The following HSD17B3 variants were observed in gnomAD, a reference collection of about 807,000 sequenced individuals.
HSD17B3 encodes the protein 17-beta-hydroxysteroid dehydrogenase type 3.
Under a neutral mutation model 41.1 loss-of-function variants are expected in HSD17B3, and 29 were observed. That is an observed-to-expected ratio of 0.71 (90% CI 0.53 to 0.96). The LOEUF is 0.96. HSD17B3 is among the 40% of genes least tolerant of loss of function. The pLI, the probability that HSD17B3 is intolerant of heterozygous loss-of-function variation, is 0.00. For synonymous variants in HSD17B3, 126 were observed against 145.6 expected, an observed-to-expected ratio of 0.87 and a Z score of 0.97; for missense variants, 323 against 374.6, an observed-to-expected ratio of 0.86 and a Z score of 1.14.
At chr9:96,272,662 A>G (rs1388227354) in intron 2 of HSD17B3, among the ~76,000 whole-genome samples, 1 of 151,292 alleles carries the variant, frequency 6.6e-6, no homozygotes, top group East Asian at 1.9e-4. Flanking sequence ...GCAGTTTCCT[A>G]AGAAACTAAA....
chr9:96,287,047 C>T (rs532270686), intron 2 of HSD17B3, among the ~76,000 whole-genome samples: 1 of 152,158 alleles, frequency 6.6e-6, no homozygotes, highest in Admixed American at 6.5e-5. Flanking sequence ...GATCAGGACC[C>T]CTTTCCTGTA....
intron 2 of HSD17B3, among the ~76,000 whole-genome samples, chr9:96,285,307 G>A (rs540686154): frequency 3.2e-4 from 48 of 152,262 alleles, no homozygotes; most frequent in African/African-American, 1.1e-3. Flanking sequence ...TATGGTACAC[G>A]TGTATCAAAT....
rs1392320642 is a variant in HSD17B3 at position 96,291,785 on chromosome 9, C to T, written c.201+6631G>A. Among the ~76,000 whole-genome samples the T allele has an allele frequency of 7.9e-5, 12 of 152,096 alleles. No homozygotes were observed. The South Asian group carries it at 1.0e-3, about 13-fold the overall frequency. On this transcript the variant is annotated intron_variant, in intron 2 of 10. Transcript: ENST00000375263. ...CAGCCTGGCCAACGAGGTGAAACCC[C>T]GTCTCTATTAAAAATACAAAAATTA...
intron 2 of HSD17B3, among the ~76,000 whole-genome samples, chr9:96,262,616 A>G (rs541207765): frequency 6.6e-5 from 10 of 152,306 alleles, no homozygotes; most frequent in South Asian, 2.1e-4. Flanking sequence ...GAATATGCCC[A>G]GTATTAATAA....
At chr9:96,282,642 G>A (rs1826742147) in intron 2 of HSD17B3, among the ~76,000 whole-genome samples, 1 of 152,178 alleles carries the variant, frequency 6.6e-6, no homozygotes, top group Admixed American at 6.5e-5. Flanking sequence ...TCCACACTTG[G>A]CACATGATTA....
At chr9:96,258,035 C>T (rs1825733841) in intron 2 of HSD17B3, among the ~76,000 whole-genome samples, 1 of 152,174 alleles carries the variant, frequency 6.6e-6, no homozygotes, top group African/African-American at 2.4e-5. Flanking sequence ...TGTGAATTAC[C>T]AGTACATACC....
At chr9:96,293,435 AC>A (rs1431920951) in intron 2 of HSD17B3, among the ~76,000 whole-genome samples, 1 of 151,384 alleles carries the variant, frequency 6.6e-6, no homozygotes, top group African/African-American at 2.5e-5. Context: ...TGGGTCTCCA[AC>A]CTGCCAGCCT....
At chr9:96,259,497 C>T (rs552482948) in intron 2 of HSD17B3, among the ~76,000 whole-genome samples, 8 of 152,142 alleles carry the variant, frequency 5.3e-5, no homozygotes, top group East Asian at 3.9e-4. Context: ...CCGAGGTGGG[C>T]GGATCATGAG....
At position 96,235,547 on chromosome 9, in the gene HSD17B3, C is replaced by T. The variant is rs564315170; in HGVS notation, c.846G>A (p.Pro282=). 36 of 1,614,022 alleles carry T rather than the reference C, an allele frequency of 2.2e-5. No homozygotes were observed. Among genetic ancestry groups the T allele is most frequent in the Middle Eastern group, 1.6e-4 (1 of 6,062 alleles). ...EILAGFLSLI[P]AWAFYSGAFQ... is the part of the protein sequence containing the mutation. Reference sequence around the variant, plus strand: ...AGGCACCGCTGTAGAAGGCCCAGGCCGGGATCAGGCTCAGAAAGCCCGCCT... The same window carrying T: ...AGGCACCGCTGTAGAAGGCCCAGGCTGGGATCAGGCTCAGAAAGCCCGCCT... The change falls in exon 11 of 11, where the codon CCG becomes CCA. Residue 282 remains proline, a synonymous_variant. Coordinates refer to ENST00000375263, the MANE Select transcript of HSD17B3 (RefSeq NM_000197.2).
chr9:96,239,279 C>A (rs1836342783), intron 10 of HSD17B3: 1 of 152,192 alleles, frequency 6.6e-6, no homozygotes, highest in Non-Finnish European at 1.5e-5. Flanking sequence ...AAGGGAGCCT[C>A]CAGGGAAGGA....
At chr9:96,277,071 G>A (rs1354127390) in intron 2 of HSD17B3, among the ~76,000 whole-genome samples, 2 of 152,046 alleles carry the variant, frequency 1.3e-5, no homozygotes, top group Non-Finnish European at 2.9e-5. Context: ...CGTGGTGGCA[G>A]GCGCCTGTAG....
intron 2 of HSD17B3, among the ~76,000 whole-genome samples, chr9:96,262,799 CTTTT>C (rs1179911048): frequency 6.6e-6 from 1 of 151,984 alleles, no homozygotes; most frequent in East Asian, 1.9e-4. Context: ...CATTCCTTTT[CTTTT>C]GTTTTGATTT....
rs147253815 is a variant in HSD17B3 at position 96,242,316 on chromosome 9, C to A, written c.673-1409G>T. ...TAAGTGATTTTGGGTTGACAAAACA[C>A]CTGTATGTACAAAATAGGGGCTCAA... On this transcript the variant is annotated intron_variant, in intron 9 of 10. Coordinates refer to ENST00000375263, the MANE Select transcript of HSD17B3 (RefSeq NM_000197.2). Among the ~76,000 whole-genome samples the A allele has an allele frequency of 3.4e-3, 520 of 152,236 alleles. 2 individuals are homozygous for A. The highest frequency in any genetic ancestry group is 0.017 in the Middle Eastern group (5 of 294).
intron 5 of HSD17B3, among the ~76,000 whole-genome samples, chr9:96,250,725 T>TA (rs1836863353): frequency 1.3e-5 from 2 of 151,822 alleles, no homozygotes; most frequent in Non-Finnish European, 2.9e-5. Context: ...CCGTCTCTAC[T>TA]AAAAATACAA....
At chr9:96,295,893 C>G (rs1827341735) in intron 2 of HSD17B3, among the ~76,000 whole-genome samples, 1 of 152,076 alleles carries the variant, frequency 6.6e-6, no homozygotes, top group African/African-American at 2.4e-5. Flanking sequence ...GGAGGTAAGG[C>G]TTTCAGGAGG....
intron 2 of HSD17B3, among the ~76,000 whole-genome samples, chr9:96,277,573 T>C (rs1389303588): frequency 1.3e-5 from 2 of 152,164 alleles, no homozygotes; most frequent in African/African-American, 4.8e-5. Flanking sequence ...AAGATAAGTA[T>C]TGGCGAGGAT....
chr9:96,251,074 G>A (rs1836881074), intron 5 of HSD17B3: 1 of 278,148 alleles, frequency 3.6e-6, no homozygotes, highest in South Asian at 8.5e-5. Context: ...AAGCCAAAGA[G>A]CTGGTCTTCT....
chr9:96,244,171 C>T, intron 9 of HSD17B3, 158 bp downstream of exon 9: 1 of 790,882 alleles, frequency 1.3e-6, no homozygotes, highest in Non-Finnish European at 2.3e-6. Context: ...GCCCACGTGG[C>T]ATCCCCAGCT....
intron 2 of HSD17B3, among the ~76,000 whole-genome samples, chr9:96,267,976 G>A (rs1826102300): frequency 1.3e-5 from 2 of 152,098 alleles, no homozygotes; most frequent in Admixed American, 1.3e-4. Context: ...CCCAGGCTGA[G>A]TGCAGTGGTG....
Sources: gnomAD v4.1 joint callset for allele counts (sites outside exome capture counted in the v4.1 genomes callset) on GRCh38, gnomAD v4.1.1 for gene constraint, MANE v1.5 for transcripts, NCBI Gene and HGNC (gene_info 2026-07-23, HGNC 2026-07-21) for gene names.